Variants in TRIM8 observed in about 807,000 individuals in gnomAD.
TRIM8 encodes tripartite motif containing 8, also known as E3 ubiquitin-protein ligase TRIM8.
TRIM8 carries 9 observed loss-of-function variants against 55.7 expected under a neutral mutation model. The ratio of observed to expected loss-of-function variants is 0.16; its 90% CI spans 0.10 to 0.28. The LOEUF is 0.28. Among genes scored for constraint, TRIM8 ranks in the 10% least tolerant of loss-of-function variants. The probability of loss-of-function intolerance (pLI) is 1.00; values close to 1 mark genes in which losing one functional copy is unlikely to be tolerated. For synonymous variants in TRIM8, 335 were observed against 333.3 expected (o/e 1.01, Z -0.06); for missense variants, 556 against 736.4 (o/e 0.76, Z 2.83).
At position 102,656,467 on chromosome 10, in the gene TRIM8, G is replaced by A. The variant is rs1286664065; in HGVS notation, c.1048+82G>A. 1.3e-6 allele frequency: 2 copies of A among 1,531,118 alleles called. No individual in the cohort carries two copies. Among genetic ancestry groups the A allele is most frequent in the Non-Finnish European group, 1.8e-6 (2 of 1,135,216 alleles). 94.8% of individuals were successfully genotyped at this position (1,531,118 alleles called of 1,614,324 possible). A position where few individuals can be genotyped will look rare whatever the true frequency, so the allele number is the denominator to read the frequency against. ...GCCACAGCCTTCCCTCCAAGAGGCA[G>A]TGTGGCCCAGTCTGGGAGACCTGTC... On this transcript the variant is annotated intron_variant, in intron 5 of 5. Transcript: ENST00000643721. The surrounding 1 kb of genome is among the most constrained non-coding windows in gnomAD (Gnocchi z 4.6).
Position 102,657,204 on chromosome 10 carries a change from C to T in TRIM8, c.1506C>T (p.Tyr502=), listed in dbSNP as rs2064033426. The change falls in exon 6 of 6, where the codon TAC becomes TAT. Residue 502 remains tyrosine, a synonymous_variant. Coordinates refer to ENST00000643721, the MANE Select transcript of TRIM8 (RefSeq NM_030912.3). ...CCTGGACAGTGCCCTCGCAGGAGTA[C>T]TCACACCCGCTCCCGCCCACACCCT... ...HFPWTVPSQE[Y]SHPLPPTPSV... is the part of the protein sequence containing the mutation. 3 of 1,613,972 alleles carry T rather than the reference C, an allele frequency of 1.9e-6. No homozygotes were observed. The highest frequency in any genetic ancestry group is 1.7e-6 in the Non-Finnish European group (2 of 1,179,940).
intron 1 of TRIM8, among the ~76,000 whole-genome samples, chr10:102,651,681 A>G (rs750141059): frequency 1.3e-4 from 20 of 152,238 alleles, no homozygotes; most frequent in Non-Finnish European, 2.9e-4. Flanking sequence ...TGGACTCTGA[A>G]GAGCACCTGG....
chr10:102,651,264 C>T (rs2063982549), intron 1 of TRIM8, among the ~76,000 whole-genome samples: 1 of 152,202 alleles, frequency 6.6e-6, no homozygotes, highest in African/African-American at 2.4e-5. Flanking sequence ...TTGGGAAGAC[C>T]CTGCCGGCTC....
intron 1 of TRIM8, among the ~76,000 whole-genome samples, chr10:102,648,011 C>A (rs1337528387): frequency 6.6e-6 from 1 of 152,226 alleles, no homozygotes; most frequent in African/African-American, 2.4e-5. Flanking sequence ...TTGCCCTAAT[C>A]TTCCCTTGGG....
Position 102,656,769 on chromosome 10 carries a change from C to T in TRIM8, c.1071C>T (p.Pro357=). 5.3e-6 allele frequency: 8 copies of T among 1,512,704 alleles called. No homozygotes were observed. The highest frequency in any genetic ancestry group is 7.1e-6 in the Non-Finnish European group (8 of 1,131,372). 93.7% of individuals were successfully genotyped at this position (1,512,704 alleles called of 1,614,324 possible). ...MLEGPFSTPV[P]FLQSVPLYPC... ...CAGGCCCCTTCAGCACGCCGGTGCCCTTCCTGCAGAGTGTCCCCCTGTACC... is the reference window on the plus strand; with the variant it reads ...CAGGCCCCTTCAGCACGCCGGTGCCTTTCCTGCAGAGTGTCCCCCTGTACC... Residue 357 remains proline, a synonymous_variant, in exon 6 of 6, where the codon CCC becomes CCT. Transcript: ENST00000643721. The surrounding 1 kb of genome is among the most constrained non-coding windows in gnomAD (Gnocchi z 4.6).
chr10:102,651,342 A>AC (rs921805396), intron 1 of TRIM8, among the ~76,000 whole-genome samples: 2 of 151,886 alleles, frequency 1.3e-5, no homozygotes, highest in Admixed American at 6.5e-5. Flanking sequence ...GCTGAGCCCC[A>AC]CCCCCCCAGG....
At position 102,656,675 on chromosome 10, in the gene TRIM8, C is replaced by G; in HGVS notation, c.1049-72C>G. ...CTCTAGGTGTCAATGGTCCCCAGGT[C>G]CAACCCAGGGAGAGGAGGCCTGGGT... On this transcript the variant is annotated intron_variant, in intron 5 of 5. Transcript: ENST00000643721. This position sits in a 1 kb window ranked among gnomAD's most constrained non-coding sequence, Gnocchi z 4.6. 5 of 1,504,820 alleles carry G rather than the reference C, an allele frequency of 3.3e-6. No individual in the cohort carries two copies. Among genetic ancestry groups the G allele is most frequent in the Non-Finnish European group, 3.5e-6 (4 of 1,128,430 alleles). 93.2% of individuals were successfully genotyped at this position (1,504,820 alleles called of 1,614,324 possible).
rs2064022401 is a variant in TRIM8, at chr10:102,656,180, A to AG, written c.932+46dup. On this transcript the variant is annotated intron_variant, in intron 4 of 5. Coordinates refer to ENST00000643721, the MANE Select transcript of TRIM8 (RefSeq NM_030912.3). This position sits in a 1 kb window ranked among gnomAD's most constrained non-coding sequence, Gnocchi z 4.6. ...GCCCTCCCGGGGGCACATCCTGGGGAGGGCAGGGGGGCCAGGCCCATGGCG... is the reference window on the plus strand; with the variant it reads ...GCCCTCCCGGGGGCACATCCTGGGGAGGGGCAGGGGGGCCAGGCCCATGGCG... 6.2e-7 allele frequency: 1 copy of AG among 1,613,918 alleles called. No homozygotes were observed. Among genetic ancestry groups the AG allele is most frequent in the Non-Finnish European group, 8.5e-7 (1 of 1,179,970 alleles).
intron 1 of TRIM8, among the ~76,000 whole-genome samples, chr10:102,649,989 C>T (rs2063967102): frequency 6.6e-6 from 1 of 152,038 alleles, no homozygotes. Context: ...GGGCAGGGAC[C>T]TAAGCAGGAA....
chr10:102,644,524 A>AGCTCGGG lies in TRIM8; in HGVS notation c.-87_-81dup. On this transcript the variant is annotated 5_prime_UTR_variant, in exon 1 of 6. Transcript: ENST00000643721. ...GACCGTCGGGGCCGGCTGGGGCCGG[A>AGCTCGGG]GCTCGGGGCTCGGTGGGCCTACAGC... is the stretch of plus-strand genomic sequence containing the variant. 8.1e-7 allele frequency: 1 copy of AGCTCGGG among 1,234,566 alleles called. No individual in the cohort carries two copies. The highest frequency in any genetic ancestry group is 1.1e-6 in the Non-Finnish European group (1 of 912,112). The allele number at this position is 1,234,566 out of a possible 1,614,324, so 76.5% of individuals were successfully genotyped here. A position where few individuals can be genotyped will look rare whatever the true frequency, so the allele number is the denominator to read the frequency against.
At position 102,645,076 on chromosome 10, in the gene TRIM8, C is replaced by T; in HGVS notation, c.459C>T (p.Leu153=). ...GCCCGCAGCACAACGCCTACCGCCTCTACCACTGCGAGGCCGAGCAGGTGG... is the reference window on the plus strand; with the variant it reads ...GCCCGCAGCACAACGCCTACCGCCTTTACCACTGCGAGGCCGAGCAGGTGG... ...WSCPQHNAYR[L]YHCEAEQVAV... is the part of the protein sequence containing the mutation. Residue 153 remains leucine, a synonymous_variant, in exon 1 of 6, where the codon CTC becomes CTT. Coordinates refer to ENST00000643721, the MANE Select transcript of TRIM8 (RefSeq NM_030912.3). The T allele has an allele frequency of 1.3e-6, 2 of 1,594,754 alleles. No individual in the cohort carries two copies. Among genetic ancestry groups the T allele is most frequent in the South Asian group, 1.1e-5 (1 of 90,476 alleles).
At position 102,656,944 on chromosome 10, in the gene TRIM8, C is replaced by T. The variant is rs531311233; in HGVS notation, c.1246C>T (p.Leu416=). ...CGGTGAGGGCCAGTCTGGGCAGCCC[C>T]TGGGGCCCTGCAGCTCCACGCAGCA... ...ASGEGQSGQP[L]GPCSSTQHLV... Residue 416 remains leucine (L), a synonymous_variant, in exon 6 of 6, where the codon CTG becomes TTG. Transcript: ENST00000643721. The surrounding 1 kb of genome is among the most constrained non-coding windows in gnomAD (Gnocchi z 4.6). 1.2e-6 allele frequency: 2 copies of T among 1,610,814 alleles called. No homozygotes were observed. The highest frequency in any genetic ancestry group is 2.2e-5 in the East Asian group (1 of 44,852).
intron 3 of TRIM8, among the ~76,000 whole-genome samples, 158 bp from the exon 4 acceptor site, chr10:102,655,948 G>A (rs978002147): frequency 4.6e-5 from 7 of 152,118 alleles, no homozygotes; most frequent in Non-Finnish European, 8.8e-5. Flanking sequence ...CTCTTCTTCC[G>A]CAAATGGCCA....
In TRIM8 at chr10:102,644,506, G is replaced by C. The variant is rs1182887512; in HGVS notation, c.-112G>C. ...AGGCGCTGCTGACTGAGCGACCGTC[G>C]GGGCCGGCTGGGGCCGGAGCTCGGG... On this transcript the variant is annotated 5_prime_UTR_variant, in exon 1 of 6. Coordinates refer to ENST00000643721, the MANE Select transcript of TRIM8 (RefSeq NM_030912.3). 2.9e-6 allele frequency: 3 copies of C among 1,034,270 alleles called. No homozygotes were observed. Among genetic ancestry groups the C allele is most frequent in the South Asian group, 3.5e-5 (2 of 56,804 alleles). The allele number at this position is 1,034,270 out of a possible 1,614,324, so 64.1% of individuals were successfully genotyped here.
In TRIM8 at chr10:102,657,469, A is replaced by C; in HGVS notation, c.*115A>C. ...CCTCGCCTCCCCTCTTCCTCATTCC[A>C]TTGCCCCAGGTCTTTTCCTTTTGGA... On this transcript the variant is annotated 3_prime_UTR_variant, in exon 6 of 6. Transcript: ENST00000643721. 2 of 1,262,872 alleles carry C rather than the reference A, an allele frequency of 1.6e-6. No individual in the cohort carries two copies. Among genetic ancestry groups the C allele is most frequent in the East Asian group, 2.6e-5 (1 of 38,514 alleles). The allele number at this position is 1,262,872 out of a possible 1,614,324, so 78.2% of individuals were successfully genotyped here.
At position 102,656,412 on chromosome 10, in the gene TRIM8, G is replaced by C; in HGVS notation, c.1048+27G>C. On this transcript the variant is annotated intron_variant, in intron 5 of 5. Transcript: ENST00000643721. This position sits in a 1 kb window ranked among gnomAD's most constrained non-coding sequence, Gnocchi z 4.6. ...TGAGGGTGGGGTGTTCCGCCGAAGGGAGACAGGGACCTTTGGGGAGGGGTT... is the reference window on the plus strand; with the variant it reads ...TGAGGGTGGGGTGTTCCGCCGAAGGCAGACAGGGACCTTTGGGGAGGGGTT... 6.3e-7 allele frequency: 1 copy of C among 1,594,902 alleles called. No homozygotes were observed. Among genetic ancestry groups the C allele is most frequent in the South Asian group, 1.1e-5 (1 of 88,984 alleles).
intron 1 of TRIM8, among the ~76,000 whole-genome samples, chr10:102,652,944 C>T (rs1315557247): frequency 6.6e-6 from 1 of 152,048 alleles, no homozygotes; most frequent in East Asian, 1.9e-4. Context: ...GTTGCGATTA[C>T]AGGCATGCAC....
At chr10:102,646,088 C>A (rs1306878616) in intron 1 of TRIM8, among the ~76,000 whole-genome samples, 2 of 152,186 alleles carry the variant, frequency 1.3e-5, no homozygotes, top group African/African-American at 4.8e-5. Context: ...ATACACCCTG[C>A]GGCCGCGGCC....
chr10:102,645,103 C>A lies in TRIM8; in HGVS notation c.486C>A (p.Ala162=). The A allele has an allele frequency of 3.8e-6, 6 of 1,595,352 alleles. No individual in the cohort carries two copies. The highest frequency in any genetic ancestry group is 5.1e-6 in the Non-Finnish European group (6 of 1,178,376). ...RLYHCEAEQV[A]VCQYCCYYSG... ...ACCACTGCGAGGCCGAGCAGGTGGCCGTGTGCCAGTACTGCTGCTACTACA... is the reference window on the plus strand; with the variant it reads ...ACCACTGCGAGGCCGAGCAGGTGGCAGTGTGCCAGTACTGCTGCTACTACA... Residue 162 remains alanine, a synonymous_variant, in exon 1 of 6, where the codon GCC becomes GCA. Coordinates refer to ENST00000643721, the MANE Select transcript of TRIM8 (RefSeq NM_030912.3).
Sources: allele counts gnomAD v4.1 joint callset (sites outside exome capture counted in the v4.1 genomes callset), GRCh38; gene constraint gnomAD v4.1.1; non-coding constraint Gnocchi (gnomAD v3.1); transcripts MANE v1.5; gene names NCBI Gene and HGNC (gene_info 2026-07-23, HGNC 2026-07-21).